The following MBOAT7 variants were observed in gnomAD, a reference collection of about 807,000 sequenced individuals.
MBOAT7 encodes the protein membrane bound acylglycerophosphatidylinositol O-acyltransferase MBOAT7.
MBOAT7 carries 40 observed loss-of-function variants against 47.4 expected under a neutral mutation model. That is an observed-to-expected ratio of 0.84 (90% CI 0.66 to 1.10). MBOAT7 has a LOEUF of 1.10. MBOAT7 is among the 50% of genes least tolerant of loss of function. The pLI, the probability that MBOAT7 is intolerant of heterozygous loss-of-function variation, is 0.00. For synonymous variants in MBOAT7, 361 were observed against 292.0 expected (o/e 1.24, Z -2.41); for missense variants, 680 against 655.6 (o/e 1.04, Z -0.41).
At position 54,175,124 on chromosome 19, in the gene MBOAT7, T is replaced by A. The variant is rs57171876; in HGVS notation, c.1032-693A>T. ...CCGAGTAGCTGGGACTACAGGCGCC[T>A]GCCACCACGCCCGGCTAATTTTCTT... On this transcript the variant is annotated intron_variant, in intron 7 of 7. Coordinates refer to ENST00000245615, the MANE Select transcript of MBOAT7 (RefSeq NM_024298.5). Among the ~76,000 whole-genome samples, 9 of 151,898 alleles carry A rather than the reference T, an allele frequency of 5.9e-5. 1 individual carries two copies. The highest frequency in any genetic ancestry group is 7.4e-5 in the Non-Finnish European group (5 of 67,924).
chr19:54,177,158 A>AATACTAATACTAATACTC (rs2076129670), intron 7 of MBOAT7, among the ~76,000 whole-genome samples: 1 of 144,618 alleles, frequency 6.9e-6, no homozygotes, highest in African/African-American at 2.7e-5. Context: ...TCAAAATACT[A>AATACTAATACTAATACTC]ATACTAATAC....
intron 5 of MBOAT7, among the ~76,000 whole-genome samples, chr19:54,181,801 A>G (rs12974487): frequency 5.0e-4 from 3 of 5,956 alleles, no homozygotes; most frequent in African/African-American, 7.7e-4. Context: ...GAGGGAGGGA[A>G]GGAGGGAAGG....
At chr19:54,178,061 C>T (rs1255729709) in intron 7 of MBOAT7, among the ~76,000 whole-genome samples, 1 of 151,980 alleles carries the variant, frequency 6.6e-6, no homozygotes, top group East Asian at 1.9e-4. Flanking sequence ...CAGGCGCCCA[C>T]CACCACACCA....
Position 54,188,490 on chromosome 19 carries a change from T to A in MBOAT7, c.19A>T (p.Thr7Ser), listed in dbSNP as rs1466999762. The A allele has an allele frequency of 6.4e-7, 1 of 1,553,400 alleles. No homozygotes were observed. The highest frequency in any genetic ancestry group is 8.7e-7 in the Non-Finnish European group (1 of 1,147,804). The change falls in exon 2 of 8, where the codon ACG (threonine) becomes TCG (serine). Residue 7 changes from threonine to serine, a missense_variant. Coordinates refer to ENST00000245615, the MANE Select transcript of MBOAT7 (RefSeq NM_024298.5). ...GAGATAAGAAGAACCACTAGATACG[T>A]CCATTCTTCAGGCGACATGGTCTGG... Reference protein sequence around the residue: MSPEEWTYLVVLLISIP... With the variant: MSPEEWSYLVVLLISIP...
chr19:54,180,866 C>T lies in MBOAT7; in HGVS notation c.761G>A (p.Cys254Tyr), dbSNP rs773274817. Residue 254 changes from cysteine (C) to tyrosine (Y), a missense_variant, in exon 6 of 8, where the codon TGC becomes TAC. Coordinates refer to ENST00000245615, the MANE Select transcript of MBOAT7 (RefSeq NM_024298.5). The surrounding 1 kb of genome is among the most constrained non-coding windows in gnomAD (Gnocchi z 5.2). Reference sequence around the variant, plus strand: ...CCCAAAGCCGGCGGCAATGCAGCCGCACTCGGCGGCAATCCAGGCCACGTA... The same window carrying T: ...CCCAAAGCCGGCGGCAATGCAGCCGTACTCGGCGGCAATCCAGGCCACGTA... ...RFYVAWIAAE[C>Y]GCIAAGFGAY... is the part of the protein sequence containing the mutation. 2 of 1,588,276 alleles carry T rather than the reference C, an allele frequency of 1.3e-6. No individual in the cohort carries two copies. The highest frequency in any genetic ancestry group is 1.8e-5 in the Admixed American group (1 of 54,310).
At chr19:54,182,747 A>G (rs1339654963) in intron 5 of MBOAT7, among the ~76,000 whole-genome samples, 1 of 152,024 alleles carries the variant, frequency 6.6e-6, no homozygotes, top group East Asian at 1.9e-4. Flanking sequence ...GTTGCCCAGG[A>G]TGGAGTGCAG....
chr19:54,178,690 C>A lies in MBOAT7; in HGVS notation c.1031+75G>T, dbSNP rs532765481. On this transcript the variant is annotated intron_variant, in intron 7 of 7. Coordinates refer to ENST00000245615, the MANE Select transcript of MBOAT7 (RefSeq NM_024298.5). Reference sequence around the variant, plus strand: ...CCGGGGGCAGGGGCCCAGCCAGGGACGCTGCAGGCTACCCTGGGGCCTGCT... The same window carrying A: ...CCGGGGGCAGGGGCCCAGCCAGGGAAGCTGCAGGCTACCCTGGGGCCTGCT... 17 of 1,557,554 alleles carry A rather than the reference C, an allele frequency of 1.1e-5. No individual in the cohort carries two copies. The African/African-American group carries it at 2.3e-4, about 21-fold the overall frequency.
Position 54,174,404 on chromosome 19 carries a change from G to T in MBOAT7, c.1059C>A (p.Ala353=). The stretch of plus-strand genomic sequence containing the variant: ...AGCCCGGGTGGAGGCCGTGCCAGTA[G>T]GCGCTCAGCAGCATGGTCCAGGCGC... ...LRSAWTMLLS[A]YWHGLHPGYY... Residue 353 remains alanine (A), a synonymous_variant, in exon 8 of 8, where the codon GCC becomes GCA. Coordinates refer to ENST00000245615, the MANE Select transcript of MBOAT7 (RefSeq NM_024298.5). 2.5e-6 allele frequency: 4 copies of T among 1,593,668 alleles called. No homozygotes were observed. The highest frequency in any genetic ancestry group is 1.3e-5 in the African/African-American group (1 of 74,316).
rs8111863 is a variant in MBOAT7, at chr19:54,187,439, T to C, written c.207-152A>G. 1.0e-2 allele frequency: 9,228 copies of C among 925,134 alleles called. 588 individuals carry two copies. In the African/African-American group the frequency reaches 0.14, roughly 14 times the overall value. 57.3% of individuals were successfully genotyped at this position (925,134 alleles called of 1,614,324 possible). A position where few individuals can be genotyped will look rare whatever the true frequency, so the allele number is the denominator to read the frequency against. On this transcript the variant is annotated intron_variant, in intron 3 of 7. Coordinates refer to ENST00000245615, the MANE Select transcript of MBOAT7 (RefSeq NM_024298.5). Reference sequence around the variant, plus strand: ...GGCAGAGAGGACAGGAGGGTGGATGTAGGGACCGAATGAGTATGATTGAAA... The same window carrying C: ...GGCAGAGAGGACAGGAGGGTGGATGCAGGGACCGAATGAGTATGATTGAAA...
Position 54,183,575 on chromosome 19 carries a change from G to GCAC in MBOAT7, c.436_438dup (p.Val146dup). On this transcript the variant is annotated inframe_insertion, in exon 5 of 8. Coordinates refer to ENST00000245615, the MANE Select transcript of MBOAT7 (RefSeq NM_024298.5). The stretch of plus-strand genomic sequence containing the variant: ...TAGCTGAGTGTCTCCATCAGGGAGG[G>GCAC]CACGTCGGGCAGCAGCCCCAGGGTG... 6.2e-7 allele frequency: 1 copy of GCAC among 1,608,802 alleles called. No homozygotes were observed. Among genetic ancestry groups the GCAC allele is most frequent in the Non-Finnish European group, 8.5e-7 (1 of 1,177,768 alleles).
intron 5 of MBOAT7, among the ~76,000 whole-genome samples, chr19:54,182,701 CAT>C (rs2076322692): frequency 6.6e-6 from 1 of 152,078 alleles, no homozygotes; most frequent in East Asian, 1.9e-4. Context: ...TGCACACACA[CAT>C]ACATATGTAT....
rs1361961253 is a variant in MBOAT7, at chr19:54,178,799, A to G, written c.997T>C (p.Tyr333His). The G allele has an allele frequency of 1.2e-6, 2 of 1,613,318 alleles. No homozygotes were observed. Among genetic ancestry groups the G allele is most frequent in the Admixed American group, 1.7e-5 (1 of 60,012 alleles). The change falls in exon 7 of 8, where the codon TAC becomes CAC. Residue 333 changes from tyrosine (Y) to histidine (H), a missense_variant. By Grantham distance (83) the Tyr-to-His change is moderately conservative (BLOSUM62 2). Coordinates refer to ENST00000245615, the MANE Select transcript of MBOAT7 (RefSeq NM_024298.5). ...TVQWWLAQYI[Y>H]KSAPARSYVL... ...TAGGAACGGGCAGGTGCGCTCTTGTAGATATACTGCGCCAGCCACCACTGC... is the reference window on the plus strand; with the variant it reads ...TAGGAACGGGCAGGTGCGCTCTTGTGGATATACTGCGCCAGCCACCACTGC...
intron 4 of MBOAT7, among the ~76,000 whole-genome samples, chr19:54,184,203 A>AC (rs150105569): frequency 0.74 from 100,378 of 136,444 alleles, 37,074 homozygotes; most frequent in East Asian, 0.91. Flanking sequence ...TTGCTCTGTC[A>AC]CCAGGCTGGA....
intron 7 of MBOAT7, among the ~76,000 whole-genome samples, chr19:54,175,397 A>C (rs1406139224): frequency 6.6e-6 from 1 of 152,110 alleles, no homozygotes; most frequent in Non-Finnish European, 1.5e-5. Flanking sequence ...GGTGGGGCCC[A>C]GGAGAAGTCT....
At chr19:54,177,900 GT>G (rs761565984) in intron 7 of MBOAT7, among the ~76,000 whole-genome samples, 2,734 of 76,090 alleles carry the variant, frequency 0.036, 139 homozygotes, top group East Asian at 0.19. Context: ...TTCTACTTCT[GT>G]TTTTTTTTTT....
At chr19:54,175,257 T>A (rs573931669) in intron 7 of MBOAT7, among the ~76,000 whole-genome samples, 1 of 152,068 alleles carries the variant, frequency 6.6e-6, no homozygotes, top group Non-Finnish European at 1.5e-5. Flanking sequence ...GGATCACAGG[T>A]GTCAGACACC....
intron 3 of MBOAT7, among the ~76,000 whole-genome samples, chr19:54,187,690 A>G (rs558587647): frequency 3.3e-5 from 5 of 152,294 alleles, no homozygotes; most frequent in African/African-American, 1.2e-4. Context: ...GGACAAACAC[A>G]CAGGGACCAG....
Position 54,180,580 on chromosome 19 carries a change from A to C in MBOAT7, c.854+193T>G, listed in dbSNP as rs925919801. 1.7e-6 allele frequency: 1 copy of C among 584,522 alleles called. No homozygotes were observed. The highest frequency in any genetic ancestry group is 3.0e-6 in the Non-Finnish European group (1 of 337,416). 36.2% of individuals were successfully genotyped at this position (584,522 alleles called of 1,614,324 possible). A position where few individuals can be genotyped will look rare whatever the true frequency, so the allele number is the denominator to read the frequency against. On this transcript the variant is annotated intron_variant, in intron 6 of 7. Transcript: ENST00000245615. This position sits in a 1 kb window ranked among gnomAD's most constrained non-coding sequence, Gnocchi z 5.2. ...GTGACAAGCGCTAGCAACAAGGGGC[A>C]TCTGTCAGTACCAGGGATCTTTTCC...
chr19:54,186,100 G>A (rs1024517120), intron 4 of MBOAT7, among the ~76,000 whole-genome samples: 12 of 150,410 alleles, frequency 8.0e-5, no homozygotes, highest in Non-Finnish European at 1.5e-4. Flanking sequence ...CACAACCTCC[G>A]CCTCCTGGGT....
Sources: gnomAD v4.1 joint callset for allele counts (sites outside exome capture counted in the v4.1 genomes callset) on GRCh38, gnomAD v4.1.1 for gene constraint, Gnocchi (gnomAD v3.1) non-coding constraint, MANE v1.5 for transcripts, NCBI Gene and HGNC (gene_info 2026-07-23, HGNC 2026-07-21) for gene names.